KALRN: variants seen among roughly 807,000 people sequenced by gnomAD.
KALRN encodes kalirin.
A neutral mutation model predicts 353.7 loss-of-function variants in KALRN; 70 were observed. That is an observed-to-expected ratio of 0.20 (90% CI 0.16 to 0.24). KALRN has a LOEUF of 0.24. Ranked by LOEUF, KALRN falls within the 10% of genes least tolerant of loss-of-function variation. The pLI, the probability that KALRN is intolerant of heterozygous loss-of-function variation, is 1.00. For synonymous variants in KALRN, 1,391 were observed against 1,434.8 expected (o/e 0.97, Z 0.69); for missense variants, 2,791 against 3,756.7 (o/e 0.74, Z 6.72).
Position 124,334,050 on chromosome 3 carries a change from A to G in KALRN, c.1417-215A>G, listed in dbSNP as rs994983722. The stretch of plus-strand genomic sequence containing the variant: ...CTCACAGACAACTGGCCAGCACTCC[A>G]GCAACTCCCACATCAGGGGATTCCA... On this transcript the variant is annotated intron_variant, in intron 8 of 59. Coordinates refer to ENST00000682506, the MANE Select transcript of KALRN (RefSeq NM_001388419.1). This position sits in a 1 kb window ranked among gnomAD's most constrained non-coding sequence, Gnocchi z 4.2. Among the ~76,000 whole-genome samples, 1 of 152,216 alleles carries G rather than the reference A, an allele frequency of 6.6e-6. No homozygotes were observed. Among genetic ancestry groups the G allele is most frequent in the Admixed American group, 6.5e-5 (1 of 15,276 alleles).
intron 34 of KALRN, among the ~76,000 whole-genome samples, chr3:124,597,462 A>T (rs988581870): frequency 6.6e-6 from 1 of 152,236 alleles, no homozygotes; most frequent in Non-Finnish European, 1.5e-5. Context: ...GCCTGGGATG[A>T]TCTGGGAGGA....
chr3:124,667,287 T>A (rs1199118171), intron 47 of KALRN, 104 bp downstream of exon 47: 4 of 990,280 alleles, frequency 4.0e-6, no homozygotes, highest in Non-Finnish European at 5.8e-6. Context: ...CCAGATCACA[T>A]TTTATAGGTA....
chr3:124,373,554 T>C (rs1560722675), intron 10 of KALRN, among the ~76,000 whole-genome samples: 1 of 152,230 alleles, frequency 6.6e-6, no homozygotes, highest in Non-Finnish European at 1.5e-5. Context: ...TTGTTCCTTC[T>C]GAGGGCTGTG....
chr3:124,686,496 T>C (rs150738210), intron 51 of KALRN, among the ~76,000 whole-genome samples: 1 of 152,202 alleles, frequency 6.6e-6, no homozygotes, highest in Non-Finnish European at 1.5e-5. Context: ...ATGTGGGCAG[T>C]CTTAGAGAAG....
chr3:124,589,014 T>C (rs2651618), intron 34 of KALRN, among the ~76,000 whole-genome samples: 19,927 of 152,128 alleles, frequency 0.13, 2,985 homozygotes, highest in East Asian at 0.43. Context: ...TTGGTTTCTA[T>C]GATTCTTTCT....
At chr3:124,101,966 G>A (rs2061904984) in intron 1 of KALRN, among the ~76,000 whole-genome samples, 1 of 152,054 alleles carries the variant, frequency 6.6e-6, no homozygotes, top group African/African-American at 2.4e-5. Flanking sequence ...TTTATGACTT[G>A]TTCCTTCTTT....
chr3:124,053,920 AT>A (rs2041279927), intron 1 of KALRN, among the ~76,000 whole-genome samples: 1 of 152,142 alleles, frequency 6.6e-6, no homozygotes, highest in African/African-American at 2.4e-5. Flanking sequence ...TGTCAAATTA[AT>A]TTTTTCCCTT....
chr3:124,401,700 C>T (rs896742325), intron 13 of KALRN, among the ~76,000 whole-genome samples: 3 of 151,970 alleles, frequency 2.0e-5, no homozygotes, highest in Non-Finnish European at 4.4e-5. Context: ...CTATAACGTC[C>T]GGATTTTACA....
intron 1 of KALRN, among the ~76,000 whole-genome samples, chr3:124,200,652 A>G (rs914384687): frequency 6.6e-6 from 1 of 152,218 alleles, no homozygotes; most frequent in African/African-American, 2.4e-5. Flanking sequence ...TGTGGTGAAC[A>G]ATGCATGAGA....
At chr3:124,645,845 T>C (rs2082649245) in intron 37 of KALRN, among the ~76,000 whole-genome samples, 1 of 152,216 alleles carries the variant, frequency 6.6e-6, no homozygotes, top group African/African-American at 2.4e-5. Flanking sequence ...GGTCATATGA[T>C]AATTCTATTC....
At chr3:124,301,320 G>A (rs2077249386) in intron 6 of KALRN, among the ~76,000 whole-genome samples, 1 of 152,194 alleles carries the variant, frequency 6.6e-6, no homozygotes, top group South Asian at 2.1e-4. Context: ...AAAAATAAGG[G>A]AGGAAATTTA....
chr3:124,424,033 T>C (rs1312972667), intron 15 of KALRN, among the ~76,000 whole-genome samples: 1 of 152,170 alleles, frequency 6.6e-6, no homozygotes, highest in East Asian at 1.9e-4. Flanking sequence ...TCATCAATCC[T>C]CACAACCATT....
At chr3:124,489,571 A>G (rs1269491646) in intron 29 of KALRN, among the ~76,000 whole-genome samples, 1 of 152,010 alleles carries the variant, frequency 6.6e-6, no homozygotes, top group Non-Finnish European at 1.5e-5. Context: ...AACCATCTCA[A>G]TGTATTCCTG....
intron 1 of KALRN, among the ~76,000 whole-genome samples, chr3:124,098,323 C>G (rs2061594217): frequency 6.6e-6 from 1 of 152,190 alleles, no homozygotes; most frequent in Non-Finnish European, 1.5e-5. Context: ...GGGCTGTCCA[C>G]TCCTGCCCCA....
intron 1 of KALRN, among the ~76,000 whole-genome samples, chr3:124,127,764 A>G (rs1323435278): frequency 2.0e-5 from 3 of 152,172 alleles, no homozygotes; most frequent in Admixed American, 6.5e-5. Flanking sequence ...TGTCTAATTT[A>G]GGCTTGTTGA....
chr3:124,076,130 A>C (rs890036448), intron 1 of KALRN, among the ~76,000 whole-genome samples: 1 of 152,214 alleles, frequency 6.6e-6, no homozygotes, highest in Non-Finnish European at 1.5e-5. Context: ...TTTGCTGGAA[A>C]GTTTCTAAGG....
intron 43 of KALRN, among the ~76,000 whole-genome samples, chr3:124,659,991 A>G (rs333294): frequency 0.6 from 91,561 of 151,416 alleles, 28,473 homozygotes; most frequent in African/African-American, 0.75. Context: ...CAGTGCAGTG[A>G]CACAGTCATA....
chr3:124,429,053 G>A (rs2093158159), intron 15 of KALRN, among the ~76,000 whole-genome samples: 1 of 152,170 alleles, frequency 6.6e-6, no homozygotes, highest in African/African-American at 2.4e-5. Context: ...GAATGCAAGT[G>A]CCCAAAGTTA....
intron 13 of KALRN, among the ~76,000 whole-genome samples, chr3:124,400,183 C>G (rs972819889): frequency 6.6e-6 from 1 of 152,034 alleles, no homozygotes; most frequent in Non-Finnish European, 1.5e-5. Flanking sequence ...CCTAATCCAA[C>G]TCAGTACAAG....
Sources: gnomAD v4.1 joint callset for allele counts (sites outside exome capture counted in the v4.1 genomes callset) on GRCh38, gnomAD v4.1.1 for gene constraint, Gnocchi (gnomAD v3.1) non-coding constraint, MANE v1.5 for transcripts, NCBI Gene and HGNC (gene_info 2026-07-23, HGNC 2026-07-21) for gene names.